SCYL3: variants seen among roughly 807,000 people sequenced by gnomAD.
SCYL3 encodes protein-associating with the carboxyl-terminal domain of ezrin.
A neutral mutation model predicts 73.8 loss-of-function variants in SCYL3; 35 were observed. The observed-to-expected ratio is 0.47, with a 90% CI of 0.36 to 0.63. The LOEUF (loss-of-function observed/expected upper bound fraction) is 0.63, where lower values mean the gene tolerates loss of function less well. SCYL3 is among the 20% of genes least tolerant of loss of function. SCYL3 has a pLI of 0.00. For missense variants in SCYL3, 712 were observed against 798.9 expected (o/e 0.89, Z 1.31); for synonymous variants, 277 against 295.2 (o/e 0.94, Z 0.63).
rs55686910 is a variant in SCYL3, at chr1:169,854,774, A to T, written c.1503T>A (p.Asp501Glu). Residue 501 changes from aspartate to glutamate, a missense_variant, in exon 12 of 13, where the codon GAT becomes GAA. Asp to Glu is a conservative substitution (Grantham distance 45, BLOSUM62 2). Transcript: ENST00000367771. The part of the protein sequence containing the change: ...IQIWPREPCD[D>E]VKSQCTTLDV... Reference sequence around the variant, plus strand: ...CCAAGGTAGTGCACTGGGACTTGACATCATCACAAGGTTCTCTAGGCCAAA... The same window carrying T: ...CCAAGGTAGTGCACTGGGACTTGACTTCATCACAAGGTTCTCTAGGCCAAA... 1 of 1,613,918 alleles carries T rather than the reference A, an allele frequency of 6.2e-7. No individual in the cohort carries two copies. The highest frequency in any genetic ancestry group is 1.3e-5 in the African/African-American group (1 of 74,890).
chr1:169,879,658 C>G (rs748444687), intron 2 of SCYL3, among the ~76,000 whole-genome samples: 1 of 152,114 alleles, frequency 6.6e-6, no homozygotes, highest in Non-Finnish European at 1.5e-5. Flanking sequence ...GATGCAACCC[C>G]AAACTACTCA....
At chr1:169,862,002 G>C (rs1318633476) in intron 10 of SCYL3, among the ~76,000 whole-genome samples, 1 of 152,244 alleles carries the variant, frequency 6.6e-6, no homozygotes, top group Non-Finnish European at 1.5e-5. Flanking sequence ...GGAGCTACGA[G>C]AAGCTTGTAA....
intron 1 of SCYL3, among the ~76,000 whole-genome samples, 200 bp from the exon 2 acceptor site, chr1:169,889,090 C>T (rs189726365): frequency 4.7e-4 from 71 of 152,298 alleles, no homozygotes; most frequent in African/African-American, 3.9e-4. Flanking sequence ...AGAAAATGCA[C>T]ATTACTAAAT....
At chr1:169,862,941 C>G (rs1202782893) in intron 9 of SCYL3, 144 bp from the exon 10 acceptor site, 2 of 750,818 alleles carry the variant, frequency 2.7e-6, no homozygotes, top group Admixed American at 5.5e-5. Flanking sequence ...GAGATGGAGT[C>G]TCACTCTGTC....
chr1:169,852,765 G>A lies in SCYL3; in HGVS notation c.*948C>T. The A allele has an allele frequency of 6.2e-7, 1 of 1,609,488 alleles. No homozygotes were observed. The highest frequency in any genetic ancestry group is 8.5e-7 in the Non-Finnish European group (1 of 1,176,662). On this transcript the variant is annotated 3_prime_UTR_variant, in exon 13 of 13. Transcript: ENST00000367771. Reference sequence around the variant, plus strand: ...TCTTTATATTTAGAATGGATATTGTGATATTACTTATGTTTTTTTTCCAGC... The same window carrying A: ...TCTTTATATTTAGAATGGATATTGTAATATTACTTATGTTTTTTTTCCAGC...
chr1:169,861,921 A>G (rs536012867), intron 10 of SCYL3, among the ~76,000 whole-genome samples: 7 of 152,184 alleles, frequency 4.6e-5, no homozygotes, highest in Non-Finnish European at 1.0e-4. Flanking sequence ...AGGAGGTAAG[A>G]AGGCCACGTG....
rs766603692 is a variant in SCYL3, at chr1:169,878,701, AAT to A, written c.282_283del (p.Leu95ValfsTer11). On this transcript the variant is annotated frameshift_variant, in exon 3 of 13. Transcript: ENST00000367771. LOFTEE classifies it high-confidence loss of function. The stretch of plus-strand genomic sequence containing the variant: ...CCCAGCACAGACCTCTGCAGAAGAC[AAT>A]GTTTCCAAAGCCACTTCCAGGGGCT... 1.2e-6 allele frequency: 2 copies of A among 1,614,088 alleles called. No homozygotes were observed. The highest frequency in any genetic ancestry group is 3.3e-5 in the Admixed American group (2 of 60,022).
In SCYL3 at chr1:169,882,907, T is replaced by G. The variant is rs147512469; in HGVS notation, c.166-4088A>C. On this transcript the variant is annotated intron_variant, in intron 2 of 12. Coordinates refer to ENST00000367771, the MANE Select transcript of SCYL3 (RefSeq NM_020423.7). Reference sequence around the variant, plus strand: ...TCAGCAGGATGTGGGTCGGGCCGGATAAGAGAATAAAAGCAGGCTGCCCAG... The same window carrying G: ...TCAGCAGGATGTGGGTCGGGCCGGAGAAGAGAATAAAAGCAGGCTGCCCAG... Among the ~76,000 whole-genome samples the G allele has an allele frequency of 4.2e-3, 638 of 152,136 alleles. 4 individuals are homozygous for G. Among genetic ancestry groups the G allele is most frequent in the African/African-American group, 0.014 (567 of 41,510 alleles).
chr1:169,862,846 A>T lies in SCYL3; in HGVS notation c.956-49T>A. The T allele has an allele frequency of 1.9e-6, 3 of 1,577,088 alleles. No individual in the cohort carries two copies. In the South Asian group the frequency reaches 3.4e-5, roughly 18 times the overall value. ...AGATGAAAAAACAAATTTTCATTTC[A>T]GTGAAAAGTATTAAGCATAATTCAT... On this transcript the variant is annotated intron_variant, in intron 9 of 12. Coordinates refer to ENST00000367771, the MANE Select transcript of SCYL3 (RefSeq NM_020423.7).
chr1:169,859,315 C>G, intron 10 of SCYL3, 103 bp from the exon 11 acceptor site: 2 of 1,111,332 alleles, frequency 1.8e-6, no homozygotes, highest in Non-Finnish European at 2.5e-6. Flanking sequence ...CTTAGATAAA[C>G]TACATTATCT....
rs1571365905 is a variant in SCYL3 at position 169,852,980 on chromosome 1, T to C, written c.*733A>G. 3.1e-6 allele frequency: 5 copies of C among 1,613,488 alleles called. No individual in the cohort carries two copies. Among genetic ancestry groups the C allele is most frequent in the South Asian group, 1.1e-5 (1 of 91,082 alleles). ...AAGCTAAAACGTTACATACATACTC[T>C]AGGGTGAAACTTATCACTAGGCAGA... On this transcript the variant is annotated 3_prime_UTR_variant, in exon 13 of 13. Transcript: ENST00000367771.
At chr1:169,869,122 A>C in intron 6 of SCYL3, 83 bp from the exon 7 acceptor site, 1 of 1,084,874 alleles carries the variant, frequency 9.2e-7, no homozygotes, top group Non-Finnish European at 1.4e-6. Context: ...CGAGAGCAAA[A>C]ACCAACCTGT....
At chr1:169,891,566 C>A (rs549450897) in intron 1 of SCYL3, among the ~76,000 whole-genome samples, 2 of 152,150 alleles carry the variant, frequency 1.3e-5, no homozygotes, top group African/African-American at 4.8e-5. Context: ...CTAGTCTGAC[C>A]GTCTCTCTCT....
chr1:169,854,076 A>G (rs1205124930), intron 12 of SCYL3, 194 bp downstream of exon 12: 2 of 588,864 alleles, frequency 3.4e-6, no homozygotes, highest in South Asian at 4.8e-5. Context: ...AGCTCATTAA[A>G]CAAACTAAGC....
chr1:169,874,986 T>C (rs1267381267), intron 4 of SCYL3, among the ~76,000 whole-genome samples: 1 of 152,130 alleles, frequency 6.6e-6, no homozygotes, highest in African/African-American at 2.4e-5. Context: ...TGCAGAAAGA[T>C]TGTGAAGGGC....
intron 5 of SCYL3, among the ~76,000 whole-genome samples, chr1:169,871,129 C>A (rs1223561310): frequency 5.9e-5 from 9 of 152,136 alleles, no homozygotes; most frequent in African/African-American, 2.2e-4. Flanking sequence ...CAAGAAAGGA[C>A]TAGGGTTTTT....
intron 1 of SCYL3, among the ~76,000 whole-genome samples, chr1:169,892,543 T>A (rs1382078730): frequency 1.3e-5 from 2 of 152,236 alleles, no homozygotes; most frequent in Non-Finnish European, 2.9e-5. Flanking sequence ...TCTTGCTCAT[T>A]AGCTTTGAAA....
Position 169,854,415 on chromosome 1 carries a change from C to CGTT in SCYL3, c.1861_1862insAAC (p.Trp621delinsTer). On this transcript the variant is annotated stop_gained, in exon 12 of 13. Coordinates refer to ENST00000367771, the MANE Select transcript of SCYL3 (RefSeq NM_020423.7). LOFTEE classifies it high-confidence loss of function. Reference sequence around the variant, plus strand: ...AATTTCTGGGATCATATCAGCAAACCAATCCATCTCAGGATCTTTTACTGG... The same window carrying CGTT: ...AATTTCTGGGATCATATCAGCAAACCGTTAATCCATCTCAGGATCTTTTACTGG... 3.7e-6 allele frequency: 6 copies of CGTT among 1,614,066 alleles called. No homozygotes were observed. Among genetic ancestry groups the CGTT allele is most frequent in the Non-Finnish European group, 5.1e-6 (6 of 1,179,980 alleles).
At position 169,862,726 on chromosome 1, in the gene SCYL3, G is replaced by C; in HGVS notation, c.1027C>G (p.Leu343Val). The change falls in exon 10 of 13, where the codon CTC (leucine) becomes GTC (valine). Residue 343 changes from leucine (L) to valine (V), a missense_variant. Physicochemically the swap from Leu to Val is conservative, Grantham distance 32. Coordinates refer to ENST00000367771, the MANE Select transcript of SCYL3 (RefSeq NM_020423.7). The stretch of plus-strand genomic sequence containing the variant: ...TCTTCATGAACTTCAAACAACTGGA[G>C]AAGCACGGGGATCACCCGTGACTGG... The part of the protein sequence containing the change: ...LFQSRVIPVL[L>V]QLFEVHEEHV... 1 of 1,614,190 alleles carries C rather than the reference G, an allele frequency of 6.2e-7. No individual in the cohort carries two copies. Among genetic ancestry groups the C allele is most frequent in the South Asian group, 1.1e-5 (1 of 91,086 alleles).
Sources: allele counts gnomAD v4.1 joint callset (sites outside exome capture counted in the v4.1 genomes callset), GRCh38; gene constraint gnomAD v4.1.1; transcripts MANE v1.5; gene names NCBI Gene and HGNC (gene_info 2026-07-23, HGNC 2026-07-21).